GLIS3: variants seen among roughly 807,000 people sequenced by gnomAD.
GLIS3 encodes zinc finger protein GLIS3.
GLIS3 carries 53 observed loss-of-function variants against 78.6 expected under a neutral mutation model. The ratio of observed to expected loss-of-function variants is 0.67; its 90% CI spans 0.54 to 0.85. The LOEUF is 0.85. GLIS3 is among the 40% of genes least tolerant of loss of function. GLIS3 has a pLI of 0.00. For missense variants in GLIS3, 1,703 were observed against 1,231.1 expected (o/e 1.38, Z -5.74); for synonymous variants, 684 against 509.9 (o/e 1.34, Z -4.60).
At chr9:3,983,239 C>T (rs1819450275) in intron 4 of GLIS3, among the ~76,000 whole-genome samples, 3 of 152,192 alleles carry the variant, frequency 2.0e-5, no homozygotes, top group East Asian at 1.9e-4. Context: ...TTCACTGCTG[C>T]CATCCATGTA....
At chr9:3,958,735 A>G (rs771086748) in intron 4 of GLIS3, among the ~76,000 whole-genome samples, 2 of 152,244 alleles carry the variant, frequency 1.3e-5, no homozygotes, top group African/African-American at 2.4e-5. Context: ...GAGATATAAT[A>G]AAAGATACAA....
intron 2 of GLIS3, among the ~76,000 whole-genome samples, chr9:4,273,665 A>C (rs1315980210): frequency 6.6e-6 from 1 of 152,014 alleles, no homozygotes; most frequent in African/African-American, 2.4e-5. Flanking sequence ...TCTAACTTCA[A>C]CCTCAGAAGT....
chr9:4,223,178 A>G (rs890574580), intron 2 of GLIS3, among the ~76,000 whole-genome samples: 1 of 152,176 alleles, frequency 6.6e-6, no homozygotes, highest in African/African-American at 2.4e-5. Context: ...TGACAGCTGG[A>G]AAAACGAATT....
rs148296507 is a variant in GLIS3, at chr9:4,040,181, T to C, written c.1710+77587A>G. ...AGGGGTGGTGATTTTAATAAAAATATAAATGGGGACATGTAAATCACAGCC... is the reference window on the plus strand; with the variant it reads ...AGGGGTGGTGATTTTAATAAAAATACAAATGGGGACATGTAAATCACAGCC... On this transcript the variant is annotated intron_variant, in intron 4 of 10. Transcript: ENST00000381971. Among the ~76,000 whole-genome samples, 19 of 151,808 alleles carry C rather than the reference T, an allele frequency of 1.3e-4. No individual in the cohort carries two copies. In the East Asian group the frequency reaches 3.7e-3, roughly 29 times the overall value.
chr9:4,469,786 A>G, the GLIS3 span, among the ~76,000 whole-genome samples: 1 of 152,232 alleles, frequency 6.6e-6, no homozygotes, highest in Non-Finnish European at 1.5e-5. Flanking sequence ...AACTAAGATC[A>G]GAGCAGAATT....
chr9:4,379,084 C>T, the GLIS3 span, among the ~76,000 whole-genome samples: 159 of 152,246 alleles, frequency 1.0e-3, no homozygotes, highest in Middle Eastern at 3.4e-3. Flanking sequence ...GCCTCTCGGC[C>T]GTGTCGTTAT....
intron 4 of GLIS3, among the ~76,000 whole-genome samples, chr9:4,056,488 G>A (rs1267328090): frequency 6.6e-6 from 1 of 152,118 alleles, no homozygotes; most frequent in African/African-American, 2.4e-5. Flanking sequence ...CTTTGGGAGA[G>A]GTAACAAATG....
At chr9:4,358,613 T>A in the GLIS3 span, among the ~76,000 whole-genome samples, 1 of 152,144 alleles carries the variant, frequency 6.6e-6, no homozygotes, top group African/African-American at 2.4e-5. Context: ...CATCTCCCTA[T>A]TTAGATGGGA....
chr9:4,386,070 T>G, the GLIS3 span, among the ~76,000 whole-genome samples: 1 of 152,194 alleles, frequency 6.6e-6, no homozygotes, highest in Non-Finnish European at 1.5e-5. Flanking sequence ...GGGTGAGAAT[T>G]TATCCCTTCT....
At chr9:4,093,872 T>TAC (rs1168659505) in intron 4 of GLIS3, among the ~76,000 whole-genome samples, 1 of 152,226 alleles carries the variant, frequency 6.6e-6, no homozygotes, top group Non-Finnish European at 1.5e-5. Context: ...GCCTTATCAA[T>TAC]ACTTCAGTAA....
At chr9:4,444,587 G>C in the GLIS3 span, among the ~76,000 whole-genome samples, 59 of 152,280 alleles carry the variant, frequency 3.9e-4, no homozygotes, top group African/African-American at 1.3e-3. Context: ...ACATGACTTC[G>C]CAGGTCTGGT....
chr9:4,225,929 CTA>C (rs1277043036), intron 2 of GLIS3, among the ~76,000 whole-genome samples: 1 of 152,168 alleles, frequency 6.6e-6, no homozygotes, highest in Non-Finnish European at 1.5e-5. Context: ...ACTCAACATT[CTA>C]TGAGTGCAAG....
intron 6 of GLIS3, among the ~76,000 whole-genome samples, chr9:3,904,943 C>T (rs1399498665): frequency 6.6e-6 from 1 of 151,798 alleles, no homozygotes; most frequent in Non-Finnish European, 1.5e-5. Context: ...CTACACTGCA[C>T]AGGCTAACAC....
chr9:4,050,185 T>A (rs1372129704), intron 4 of GLIS3, among the ~76,000 whole-genome samples: 1 of 152,168 alleles, frequency 6.6e-6, no homozygotes. Context: ...TAGCAAAGAC[T>A]TGGAACCAAC....
At chr9:4,084,256 A>AACACACACATACACAC (rs1554691507) in intron 4 of GLIS3, among the ~76,000 whole-genome samples, 133 of 132,204 alleles carry the variant, frequency 1.0e-3, no homozygotes, top group Admixed American at 5.9e-3. Context: ...TCCTCTCTCT[A>AACACACACATACACAC]ACACACACAC....
intron 4 of GLIS3, among the ~76,000 whole-genome samples, chr9:3,987,330 G>A (rs751157570): frequency 2.0e-5 from 3 of 152,062 alleles, no homozygotes; most frequent in Non-Finnish European, 2.9e-5. Context: ...GGACTTGTGG[G>A]ACACTAGAAA....
rs1403085219 is a variant in GLIS3 at position 3,827,517 on chromosome 9, TG to T, written c.*754del. The T allele has an allele frequency of 6.6e-6, 1 of 152,328 alleles. No homozygotes were observed. Among genetic ancestry groups the T allele is most frequent in the African/African-American group, 2.4e-5 (1 of 41,426 alleles). 9.4% of individuals were successfully genotyped at this position (152,328 alleles called of 1,614,324 possible). On this transcript the variant is annotated 3_prime_UTR_variant, in exon 11 of 11. Transcript: ENST00000381971. ...AACTGCAAAACTAACATGCTAGAGG[TG>T]GGGCCAGGCAGAACCACAGCTGTGC... is the stretch of plus-strand genomic sequence containing the variant.
intron 2 of GLIS3, among the ~76,000 whole-genome samples, chr9:4,266,435 C>CACAAAAGAAGA (rs1214875703): frequency 6.6e-6 from 1 of 152,172 alleles, no homozygotes; most frequent in East Asian, 1.9e-4. Flanking sequence ...AAAGAACCAT[C>CACAAAAGAAGA]ACCACAAGTT....
chr9:4,360,857 C>T, the GLIS3 span, among the ~76,000 whole-genome samples: 1 of 152,184 alleles, frequency 6.6e-6, no homozygotes, highest in Non-Finnish European at 1.5e-5. Context: ...GGGAATGATG[C>T]CACTGAGGTG....
Sources: allele counts gnomAD v4.1 joint callset (sites outside exome capture counted in the v4.1 genomes callset), GRCh38; gene constraint gnomAD v4.1.1; transcripts MANE v1.5; gene names NCBI Gene and HGNC (gene_info 2026-07-23, HGNC 2026-07-21).